The following ANK3 variants were observed in gnomAD, a reference collection of about 807,000 sequenced individuals.
The protein encoded by ANK3 is ankyrin-3.
A neutral mutation model predicts 370.9 loss-of-function variants in ANK3; 57 were observed. That is an observed-to-expected ratio of 0.15 (90% CI 0.12 to 0.19). The LOEUF (loss-of-function observed/expected upper bound fraction) is 0.19, where lower values mean the gene tolerates loss of function less well. Ranked by LOEUF, ANK3 falls within the 10% of genes least tolerant of loss-of-function variation. The pLI is 1.00. For missense variants in ANK3, 4,439 were observed against 5,302.1 expected, an observed-to-expected ratio of 0.84 and a Z score of 5.06; for synonymous variants, 1,929 against 1,946.3, an observed-to-expected ratio of 0.99 and a Z score of 0.23.
At chr10:60,042,628 A>C in intron 43 of ANK3, 44 bp downstream of exon 43, 1 of 1,541,076 alleles carries the variant, frequency 6.5e-7, no homozygotes, top group South Asian at 1.2e-5. Context: ...TATAAGTTTC[A>C]CAGGAATTTA....
chr10:60,221,686 C>T (rs1476755542), intron 8 of ANK3, among the ~76,000 whole-genome samples: 2 of 152,188 alleles, frequency 1.3e-5, no homozygotes, highest in African/African-American at 4.8e-5. Context: ...TTCAAGGCTG[C>T]ACGCACCAAA....
chr10:60,663,013 T>A (rs1383191099), intron 1 of ANK3, among the ~76,000 whole-genome samples: 1 of 152,168 alleles, frequency 6.6e-6, no homozygotes, highest in East Asian at 1.9e-4. Context: ...CTTGAGGAAA[T>A]GAGTCAAACA....
intron 1 of ANK3, among the ~76,000 whole-genome samples, chr10:60,376,229 A>G (rs956701823): frequency 6.6e-6 from 1 of 152,186 alleles, no homozygotes; most frequent in Non-Finnish European, 1.5e-5. Flanking sequence ...TAGCACTTTA[A>G]AAAACAGGCT....
At position 60,180,597 on chromosome 10, in the gene ANK3, A is replaced by G. The variant is rs981930556; in HGVS notation, c.2184+732T>C. Among the ~76,000 whole-genome samples the G allele has an allele frequency of 1.5e-5, 2 of 129,818 alleles. 1 individual carries two copies. The highest frequency in any genetic ancestry group is 6.4e-5 in the African/African-American group (2 of 31,070). The allele number at this position is 129,818 out of a possible 152,430, so 85.2% of individuals were successfully genotyped here. ...GTAACAGAGTGAGACTCCGTCTCAA[A>G]AAAAAAAAAAAAAAAACCAAAAAAA... On this transcript the variant is annotated intron_variant, in intron 18 of 43. Coordinates refer to ENST00000280772, the MANE Select transcript of ANK3 (RefSeq NM_020987.5).
chr10:60,108,393 A>G (rs2092405793), intron 27 of ANK3: 1 of 237,688 alleles, frequency 4.2e-6, no homozygotes, highest in South Asian at 4.4e-5. Flanking sequence ...CCACCTCAGA[A>G]AATGAATTAA....
rs528096848 is a variant in ANK3, at chr10:60,140,653, T to C, written c.2615-1566A>G. ...TTGAGGTTAAGATCCTTTTGACCAC[T>C]TCGCAGACATCCTTTTAAAGCTCCT... On this transcript the variant is annotated intron_variant, in intron 23 of 43. Coordinates refer to ENST00000280772, the MANE Select transcript of ANK3 (RefSeq NM_020987.5). 1.4e-5 allele frequency: 19 copies of C among 1,345,572 alleles called. No individual in the cohort carries two copies. The South Asian group carries it at 3.6e-4, about 25-fold the overall frequency. 83.4% of individuals were successfully genotyped at this position (1,345,572 alleles called of 1,614,324 possible).
chr10:60,313,234 G>A (rs1299642060), intron 1 of ANK3, among the ~76,000 whole-genome samples: 1 of 152,202 alleles, frequency 6.6e-6, no homozygotes, highest in Non-Finnish European at 1.5e-5. Flanking sequence ...CTGTCGAAGA[G>A]ATATCCTCAA....
At chr10:60,121,922 T>C (rs777684214) in intron 25 of ANK3, among the ~76,000 whole-genome samples, 2 of 152,166 alleles carry the variant, frequency 1.3e-5, no homozygotes, top group Non-Finnish European at 2.9e-5. Context: ...ATATGCCTAC[T>C]ATGTATTCAC....
At chr10:60,312,748 A>G (rs994914703) in intron 1 of ANK3, among the ~76,000 whole-genome samples, 6 of 152,220 alleles carry the variant, frequency 3.9e-5, no homozygotes, top group Non-Finnish European at 8.8e-5. Flanking sequence ...ACAAATAAAG[A>G]GATTTTATGA....
At chr10:60,196,739 T>C in intron 14 of ANK3, 114 bp from the exon 15 acceptor site, 1 of 640,962 alleles carries the variant, frequency 1.6e-6, no homozygotes, top group Non-Finnish European at 2.7e-6. Flanking sequence ...AGGGCACTGC[T>C]TTCCAGAACT....
intron 1 of ANK3, among the ~76,000 whole-genome samples, chr10:60,366,035 T>G (rs1169515381): frequency 6.6e-6 from 1 of 152,108 alleles, no homozygotes; most frequent in Non-Finnish European, 1.5e-5. Flanking sequence ...ATACCTGTGT[T>G]TTAGGACTAA....
chr10:60,515,162 T>G (rs1482305093), intron 2 of ANK3, among the ~76,000 whole-genome samples: 1 of 152,182 alleles, frequency 6.6e-6, no homozygotes, highest in East Asian at 1.9e-4. Context: ...TTTGGGGTGA[T>G]GCAGGTACAG....
At chr10:60,438,872 A>T (rs938030812) in intron 2 of ANK3, among the ~76,000 whole-genome samples, 1 of 152,250 alleles carries the variant, frequency 6.6e-6, no homozygotes, top group African/African-American at 2.4e-5. Flanking sequence ...AAAAGCAGGA[A>T]GAAAAATTTT....
intron 21 of ANK3, among the ~76,000 whole-genome samples, chr10:60,169,807 T>G (rs1385563770): frequency 6.6e-6 from 1 of 152,220 alleles, no homozygotes; most frequent in Admixed American, 6.5e-5. Context: ...TTATTTATTT[T>G]TGCTCAAATT....
intron 18 of ANK3, among the ~76,000 whole-genome samples, chr10:60,177,822 G>A (rs756804385): frequency 6.6e-6 from 1 of 151,938 alleles, no homozygotes; most frequent in African/African-American, 2.4e-5. Flanking sequence ...GGATGGTCTC[G>A]ATCTCTTGAC....
intron 2 of ANK3, among the ~76,000 whole-genome samples, chr10:60,417,247 T>C (rs2063687778): frequency 1.3e-5 from 2 of 152,160 alleles, no homozygotes; most frequent in Non-Finnish European, 2.9e-5. Context: ...TTCTGGAAGA[T>C]GTCATGAGTA....
At chr10:60,183,299 G>C (rs568179924) in intron 17 of ANK3, among the ~76,000 whole-genome samples, 1 of 152,192 alleles carries the variant, frequency 6.6e-6, no homozygotes, top group South Asian at 2.1e-4. Context: ...GCTTGTTGAG[G>C]CAAGTATCGT....
At chr10:60,698,808 C>G (rs1374438515) in intron 1 of ANK3, among the ~76,000 whole-genome samples, 1 of 148,692 alleles carries the variant, frequency 6.7e-6, no homozygotes, top group East Asian at 2.0e-4. Context: ...TGCTAGATGA[C>G]GAGCTAGTGG....
chr10:60,642,638 G>T (rs952771517), intron 1 of ANK3, among the ~76,000 whole-genome samples: 1 of 26,074 alleles, frequency 3.8e-5, no homozygotes, highest in African/African-American at 1.2e-4. Flanking sequence ...GTTGTGGGGT[G>T]GGGGGGCGAG....
Sources: allele counts gnomAD v4.1 joint callset (sites outside exome capture counted in the v4.1 genomes callset), GRCh38; gene constraint gnomAD v4.1.1; transcripts MANE v1.5; gene names NCBI Gene and HGNC (gene_info 2026-07-23, HGNC 2026-07-21).